Variants in SYNE2 observed in about 807,000 individuals in gnomAD.
The protein encoded by SYNE2 is nesprin-2.
A neutral mutation model predicts 856.3 loss-of-function variants in SYNE2; 431 were observed. That is an observed-to-expected ratio of 0.50 (90% CI 0.47 to 0.55). SYNE2 has a LOEUF of 0.55. SYNE2 is among the 20% of genes least tolerant of loss of function. The pLI, the probability that SYNE2 is intolerant of heterozygous loss-of-function variation, is 0.00. For synonymous variants in SYNE2, 2,923 were observed against 2,872.3 expected, an observed-to-expected ratio of 1.02 and a Z score of -0.56; for missense variants, 8,129 against 8,023.2, an observed-to-expected ratio of 1.01 and a Z score of -0.50.
chr14:64,049,544 G>C (rs2097209716), intron 46 of SYNE2, 67 bp from the exon 47 acceptor site: 2 of 1,542,120 alleles, frequency 1.3e-6, no homozygotes, highest in Middle Eastern at 1.7e-4. Flanking sequence ...AAAGAGGAAA[G>C]AAGATGAATG....
chr14:64,061,463 A>G (rs1033707149), intron 49 of SYNE2, among the ~76,000 whole-genome samples: 1 of 152,180 alleles, frequency 6.6e-6, no homozygotes, highest in Non-Finnish European at 1.5e-5. Flanking sequence ...TGATTTTGCC[A>G]ATTTCCACTC....
At chr14:63,965,372 G>A (rs990581968) in intron 10 of SYNE2, among the ~76,000 whole-genome samples, 2 of 152,148 alleles carry the variant, frequency 1.3e-5, no homozygotes, top group African/African-American at 4.8e-5. Flanking sequence ...GATAATAAGT[G>A]GCTTATTTAA....
At position 64,143,819 on chromosome 14, in the gene SYNE2, T is replaced by C. The variant is rs1324430174; in HGVS notation, c.15354T>C (p.Val5118=). 6.2e-7 allele frequency: 1 copy of C among 1,614,230 alleles called. No homozygotes were observed. The highest frequency in any genetic ancestry group is 8.5e-7 in the Non-Finnish European group (1 of 1,180,030). The change falls in exon 83 of 116, where the codon GTT becomes GTC. Residue 5118 remains valine (V), a synonymous_variant. Coordinates refer to ENST00000555002, the MANE Select transcript of SYNE2 (RefSeq NM_182914.3). The part of the protein sequence containing the change: ...MDYKQWIVDF[V]NQSLLQLSTC... ...ATAAACAGTGGATAGTTGACTTCGT[T>C]AACCAGTCATTACTTCAGCTAAGCA...
intron 1 of SYNE2, among the ~76,000 whole-genome samples, chr14:63,855,346 A>G (rs35168922): frequency 0.11 from 16,356 of 152,142 alleles, 988 homozygotes; most frequent in African/African-American, 0.16. Flanking sequence ...TTGGCTTCCT[A>G]TGTCTCTCTG....
chr14:63,998,593 G>A (rs577693958), intron 26 of SYNE2, among the ~76,000 whole-genome samples: 76 of 152,012 alleles, frequency 5.0e-4, no homozygotes, highest in Middle Eastern at 3.4e-3. Context: ...ACAGAGTGTC[G>A]TTCTGTCGCC....
chr14:64,202,468 C>A, intron 99 of SYNE2, among the ~76,000 whole-genome samples: 1 of 152,168 alleles, frequency 6.6e-6, no homozygotes, highest in East Asian at 1.9e-4. Context: ...GAAAAAATGG[C>A]ATATCTTCTC....
Position 64,030,063 on chromosome 14 carries a change from C to CTA in SYNE2, c.6879+5_6879+6dup. 1 of 1,613,570 alleles carries CTA rather than the reference C, an allele frequency of 6.2e-7. No homozygotes were observed. Among genetic ancestry groups the CTA allele is most frequent in the Non-Finnish European group, 8.5e-7 (1 of 1,179,670 alleles). ...GGAAAAATTGCAGAAACTGCAGGTA[C>CTA]TAAACGGTGTCCAGACATGATAGAC... is the stretch of plus-strand genomic sequence containing the variant. On this transcript the variant is annotated splice_donor_region_variant and intron_variant, in intron 44 of 115. Transcript: ENST00000555002.
chr14:63,842,712 G>C (rs546714841), intron 1 of SYNE2, among the ~76,000 whole-genome samples: 2 of 151,230 alleles, frequency 1.3e-5, no homozygotes, highest in South Asian at 4.2e-4. Flanking sequence ...CGCCGGCCTC[G>C]GCCTCCCAAA....
chr14:64,027,868 CTGT>C (rs2096993172), intron 43 of SYNE2, 75 bp downstream of exon 43: 9 of 1,140,748 alleles, frequency 7.9e-6, no homozygotes, highest in South Asian at 2.7e-5. Flanking sequence ...GTGGAACTAT[CTGT>C]TGTTGTTGTT....
rs2097904158 is a variant in SYNE2, at chr14:64,122,307, A to C, written c.13302A>C (p.Glu4434Asp). ...AAAGCAACCAGGCATCCAGCCCTGA[A>C]AATGACGTTCCAGACTCGATCTTGT... Reference protein sequence around the residue: ...SSASNQASSPENDVPDSILSP... With the variant: ...SSASNQASSPDNDVPDSILSP... Residue 4434 changes from glutamate to aspartate, a missense_variant, in exon 70 of 116, where the codon GAA (glutamate) becomes GAC (aspartate). Physicochemically the swap from Glu to Asp is conservative, Grantham distance 45 (BLOSUM62 2). Transcript: ENST00000555002. 1 of 1,614,094 alleles carries C rather than the reference A, an allele frequency of 6.2e-7. No homozygotes were observed. The highest frequency in any genetic ancestry group is 8.5e-7 in the Non-Finnish European group (1 of 1,180,052).
chr14:63,843,268 G>C (rs1328855630), intron 1 of SYNE2, among the ~76,000 whole-genome samples: 1 of 151,878 alleles, frequency 6.6e-6, no homozygotes, highest in African/African-American at 2.4e-5. Flanking sequence ...GCCGAGGCTG[G>C]TCTCAAACTC....
rs373593486 is a variant in SYNE2 at position 63,968,448 on chromosome 14, G to A, written c.1128+602G>A. On this transcript the variant is annotated intron_variant, in intron 11 of 115. Coordinates refer to ENST00000555002, the MANE Select transcript of SYNE2 (RefSeq NM_182914.3). Reference sequence around the variant, plus strand: ...ATCTATATTTTGATTGACCTGTGGCGGCTTCTCTACTATCATGTATCAATA... The same window carrying A: ...ATCTATATTTTGATTGACCTGTGGCAGCTTCTCTACTATCATGTATCAATA... 1.1e-4 allele frequency among the ~76,000 whole-genome samples: 16 copies of A among 152,076 alleles called. No homozygotes were observed. In the East Asian group the frequency reaches 2.3e-3, roughly 22 times the overall value.
At chr14:64,078,378 C>A in intron 54 of SYNE2, 88 bp from the exon 55 acceptor site, 1 of 1,577,468 alleles carries the variant, frequency 6.3e-7, no homozygotes, top group Non-Finnish European at 8.7e-7. Context: ...CAAGTTAAAA[C>A]AGAGTGACTA....
At chr14:63,827,631 A>AC in intron 1 of SYNE2, among the ~76,000 whole-genome samples, 6 of 127,462 alleles carry the variant, frequency 4.7e-5, no homozygotes, top group Non-Finnish European at 1.1e-4. Context: ...GTCTCAAAAA[A>AC]AAAAAAAAAA....
intron 2 of SYNE2, among the ~76,000 whole-genome samples, chr14:63,939,961 C>A (rs1245695424): frequency 6.6e-6 from 1 of 151,980 alleles, no homozygotes; most frequent in African/African-American, 2.4e-5. Flanking sequence ...GTTCTGGGGT[C>A]ATCTTTACTA....
chr14:63,979,481 T>C (rs893834908), intron 14 of SYNE2, among the ~76,000 whole-genome samples: 1 of 152,252 alleles, frequency 6.6e-6, no homozygotes, highest in Non-Finnish European at 1.5e-5. Flanking sequence ...GGTTTAGCTC[T>C]TCTAATTTAT....
In SYNE2 at chr14:63,803,383, C is replaced by T. The variant is rs1176866258; in HGVS notation, c.-305+41397C>T. On this transcript the variant is annotated intron_variant, in intron 1 of 23. Coordinates refer to the SYNE2 transcript ENST00000674003. ...GAGTGGGTGGGAGGCTCAGGCATGG[C>T]GGGCTGCAGGTCCCGAGCCCTGCCC... Among the ~76,000 whole-genome samples the T allele has an allele frequency of 3.3e-5, 5 of 152,172 alleles. No individual in the cohort carries two copies. The East Asian group carries it at 7.7e-4, about 23-fold the overall frequency.
At position 64,098,762 on chromosome 14, in the gene SYNE2, T is replaced by G. The variant is rs745409597; in HGVS notation, c.12322T>G (p.Ser4108Ala). ...TGCCTTTCAGTTGAACAGAAGAGGC[T>G]CCATGTCTTACCTGGCAGCAGTCGA... ...ASERKLNRRG[S>A]MSYLAAVEEE... The change falls in exon 63 of 116, where the codon TCC (serine) becomes GCC (alanine). Residue 4108 changes from serine (S) to alanine (A), a missense_variant. Around this residue, in one of 3 missense-constraint regions of SYNE2, gnomAD observed 5,410 missense variants for 5,284.8 expected, o/e 1.02. Coordinates refer to ENST00000555002, the MANE Select transcript of SYNE2 (RefSeq NM_182914.3). The G allele has an allele frequency of 1.9e-6, 3 of 1,614,058 alleles. No homozygotes were observed. Among genetic ancestry groups the G allele is most frequent in the Non-Finnish European group, 2.5e-6 (3 of 1,180,016 alleles).
intron 2 of SYNE2, among the ~76,000 whole-genome samples, chr14:63,928,267 G>A (rs2095697203): frequency 6.6e-6 from 1 of 152,160 alleles, no homozygotes. Context: ...TATGATTTTA[G>A]TCTTGGAATG....
Sources: allele counts gnomAD v4.1 joint callset (sites outside exome capture counted in the v4.1 genomes callset), GRCh38; gene constraint gnomAD v4.1.1; regional missense constraint gnomAD v4.1.1; transcripts MANE v1.5; gene names NCBI Gene and HGNC (gene_info 2026-07-23, HGNC 2026-07-21).